Variants in OXR1 observed in about 807,000 individuals in gnomAD.
The protein encoded by OXR1 is oxidation resistance 1, also known as oxidation resistance protein 1.
In OXR1, 41 loss-of-function variants were observed where a neutral mutation model predicts 104.6. That is an observed-to-expected ratio of 0.39 (90% CI 0.31 to 0.51). The LOEUF (loss-of-function observed/expected upper bound fraction) is 0.51. Among genes scored for constraint, OXR1 ranks in the 20% least tolerant of loss-of-function variants. OXR1 has a pLI of 0.77. For missense variants in OXR1, 955 were observed against 1,031.9 expected (o/e 0.93, Z 1.02); for synonymous variants, 348 against 348.4 (o/e 1.00, Z 0.01).
chr8:106,381,655 T>A (rs1467334378), intron 2 of OXR1, among the ~76,000 whole-genome samples: 1 of 152,168 alleles, frequency 6.6e-6, no homozygotes, highest in Non-Finnish European at 1.5e-5. Flanking sequence ...AGGTTTCTAA[T>A]CTTCATTAAA....
chr8:106,576,023 A>ACACACACAC (rs1563616871), intron 3 of OXR1, among the ~76,000 whole-genome samples: 4 of 100,414 alleles, frequency 4.0e-5, no homozygotes, highest in Admixed American at 3.0e-4. Flanking sequence ...CACACACACA[A>ACACACACAC]AACCCTGAAA....
At chr8:106,722,785 C>G (rs766405235) in intron 11 of OXR1, among the ~76,000 whole-genome samples, 2 of 152,174 alleles carry the variant, frequency 1.3e-5, no homozygotes, top group Non-Finnish European at 2.9e-5. Context: ...AGATGCATTT[C>G]TCAGAACATA....
intron 1 of OXR1, among the ~76,000 whole-genome samples, chr8:106,328,106 C>T (rs922539610): frequency 3.3e-5 from 5 of 152,196 alleles, no homozygotes; most frequent in African/African-American, 1.2e-4. Flanking sequence ...GCATCATTTT[C>T]AGGCACCACA....
At chr8:106,489,599 TATTA>T (rs1420014113) in intron 2 of OXR1, among the ~76,000 whole-genome samples, 7 of 152,212 alleles carry the variant, frequency 4.6e-5, no homozygotes, top group African/African-American at 1.7e-4. Context: ...ATGTTTGGAA[TATTA>T]AATAAATTAG....
intron 2 of OXR1, among the ~76,000 whole-genome samples, chr8:106,505,832 T>A (rs1270002767): frequency 6.6e-6 from 1 of 152,186 alleles, no homozygotes; most frequent in Admixed American, 6.5e-5. Context: ...GCTTAGAAAT[T>A]CATCCAACCA....
chr8:106,683,333 T>G (rs1828365446), intron 5 of OXR1, 27 bp downstream of exon 5: 2 of 1,063,516 alleles, frequency 1.9e-6, no homozygotes, highest in African/African-American at 3.1e-5. Context: ...AATGTGCTGA[T>G]GTTTAGAAAC....
rs554015451 is a variant in OXR1 at position 106,309,469 on chromosome 8, A to G, written c.-139+39102A>G. On this transcript the variant is annotated intron_variant, in intron 1 of 16. Transcript: ENST00000517566. The stretch of plus-strand genomic sequence containing the variant: ...GAACCCACTCCAGGATACGTGAGCT[A>G]TTTATAGCCATTTTAGTGGACCTAT... 2.0e-5 allele frequency among the ~76,000 whole-genome samples: 3 copies of G among 152,282 alleles called. No homozygotes were observed. In the South Asian group the frequency reaches 6.2e-4, roughly 32 times the overall value.
intron 2 of OXR1, among the ~76,000 whole-genome samples, chr8:106,468,043 G>A (rs1821273073): frequency 6.6e-6 from 1 of 151,762 alleles, no homozygotes; most frequent in African/African-American, 2.4e-5. Context: ...ATTAGTCTGT[G>A]GTGGTAATGA....
intron 2 of OXR1, among the ~76,000 whole-genome samples, chr8:106,408,648 T>G (rs1422778180): frequency 2.0e-5 from 3 of 152,152 alleles, no homozygotes; most frequent in African/African-American, 7.2e-5. Context: ...ACCAACAAAT[T>G]TGTTTTATAC....
intron 3 of OXR1, among the ~76,000 whole-genome samples, chr8:106,607,815 CTTT>C (rs908000108): frequency 7.2e-6 from 1 of 139,586 alleles, no homozygotes. Context: ...TTTTCTTTTT[CTTT>C]TTTTTTTTTA....
intron 3 of OXR1, chr8:106,657,773 G>A (rs1045830470): frequency 8.7e-7 from 1 of 1,146,748 alleles, no homozygotes; most frequent in African/African-American, 1.6e-5. Flanking sequence ...GAAAACTTTT[G>A]TCCGTCTTTT....
chr8:106,409,864 A>G (rs1184616417), intron 2 of OXR1, among the ~76,000 whole-genome samples: 1 of 152,154 alleles, frequency 6.6e-6, no homozygotes, highest in African/African-American at 2.4e-5. Context: ...TTCTCCTTAG[A>G]GAATCATTTT....
chr8:106,738,727 T>G (rs1025923636), intron 12 of OXR1, among the ~76,000 whole-genome samples: 1 of 146,364 alleles, frequency 6.8e-6, no homozygotes, highest in Non-Finnish European at 1.5e-5. Flanking sequence ...TCTTATCGTT[T>G]TAAGAATACC....
chr8:106,348,501 G>T (rs1329524601), intron 1 of OXR1, among the ~76,000 whole-genome samples: 1 of 151,890 alleles, frequency 6.6e-6, no homozygotes, highest in Non-Finnish European at 1.5e-5. Context: ...TTAATCTGCT[G>T]CTTTTTTTTA....
In OXR1 at chr8:106,697,868, G is replaced by A. The variant is rs147972219; in HGVS notation, c.675+4991G>A. On this transcript the variant is annotated intron_variant, in intron 7 of 16. Transcript: ENST00000517566. ...TTGAGCCAGTTCTGGAAGTTCTCGC[G>A]TCCAGGCTGGGACCGGCCCACATCC... is the stretch of plus-strand genomic sequence containing the variant. The A allele has an allele frequency of 1.1e-3, 1,778 of 1,612,304 alleles. 25 individuals carry two copies. In the East Asian group the frequency reaches 0.027, roughly 24 times the overall value.
At chr8:106,592,145 C>A (rs1373560126) in intron 3 of OXR1, among the ~76,000 whole-genome samples, 2 of 152,162 alleles carry the variant, frequency 1.3e-5, no homozygotes, top group Admixed American at 1.3e-4. Flanking sequence ...TACCATATTG[C>A]CTTTTCCCTA....
chr8:106,615,757 C>T (rs971300861), intron 3 of OXR1, among the ~76,000 whole-genome samples: 1 of 152,180 alleles, frequency 6.6e-6, no homozygotes, highest in Non-Finnish European at 1.5e-5. Flanking sequence ...CTTATGCTCA[C>T]CTTATAAAGC....
At chr8:106,482,198 C>T (rs1297787847) in intron 2 of OXR1, among the ~76,000 whole-genome samples, 1 of 151,924 alleles carries the variant, frequency 6.6e-6, no homozygotes, top group African/African-American at 2.4e-5. Context: ...TTCTATACTT[C>T]CGCATCTTGG....
At chr8:106,373,287 C>T (rs1426645190) in intron 2 of OXR1, among the ~76,000 whole-genome samples, 1 of 152,094 alleles carries the variant, frequency 6.6e-6, no homozygotes, top group African/African-American at 2.4e-5. Context: ...GTGTTTTATG[C>T]TTATTTTTAA....
Sources: allele counts gnomAD v4.1 joint callset (sites outside exome capture counted in the v4.1 genomes callset), GRCh38; gene constraint gnomAD v4.1.1; transcripts MANE v1.5; gene names NCBI Gene and HGNC (gene_info 2026-07-23, HGNC 2026-07-21).